The following TBCE variants were observed in gnomAD, a reference collection of about 807,000 sequenced individuals.
TBCE encodes tubulin folding cofactor E, also known as tubulin-specific chaperone E.
Under a neutral mutation model 77.0 loss-of-function variants are expected in TBCE, and 53 were observed. The observed-to-expected ratio is 0.69, with a 90% CI of 0.55 to 0.87. TBCE has a LOEUF of 0.87. Ranked by LOEUF, TBCE falls within the 40% of genes least tolerant of loss-of-function variation. The pLI is 0.00. For synonymous variants in TBCE, 235 were observed against 241.3 expected, an observed-to-expected ratio of 0.97 and a Z score of 0.24; for missense variants, 624 against 622.4, an observed-to-expected ratio of 1.00 and a Z score of -0.03.
At chr1:235,381,807 T>C (rs1677672847) in intron 2 of TBCE, among the ~76,000 whole-genome samples, 1 of 151,580 alleles carries the variant, frequency 6.6e-6, no homozygotes, top group African/African-American at 2.4e-5. Context: ...ATTTTTTAAT[T>C]GTATTTTTAT....
intron 14 of TBCE, 33 bp from the exon 15 acceptor site, chr1:235,442,819 A>C (rs367666825): frequency 2.8e-4 from 441 of 1,596,626 alleles, no homozygotes; most frequent in Non-Finnish European, 3.4e-4. Context: ...AATAGTAGAT[A>C]TCAATTAGTC....
intron 15 of TBCE, among the ~76,000 whole-genome samples, chr1:235,445,806 T>C (rs771943156): frequency 3.3e-5 from 5 of 152,186 alleles, no homozygotes; most frequent in Non-Finnish European, 7.3e-5. Flanking sequence ...AAGCATTGTA[T>C]CTTGCAGCAT....
intron 5 of TBCE, among the ~76,000 whole-genome samples, chr1:235,420,706 C>T (rs1006774870): frequency 2.6e-5 from 4 of 152,170 alleles, no homozygotes; most frequent in African/African-American, 9.7e-5. Flanking sequence ...TGGTCTTGAT[C>T]TCTTGACCTG....
chr1:235,405,537 G>A (rs935222733), intron 3 of TBCE, among the ~76,000 whole-genome samples: 1 of 151,802 alleles, frequency 6.6e-6, no homozygotes, highest in African/African-American at 2.4e-5. Context: ...TGGGAAGGTT[G>A]AGGCATGAGA....
At chr1:235,405,644 AAG>A (rs887978053) in intron 3 of TBCE, among the ~76,000 whole-genome samples, 6 of 152,148 alleles carry the variant, frequency 3.9e-5, no homozygotes, top group African/African-American at 1.2e-4. Context: ...TCAAAAAAAA[AAG>A]AAAAAATAGA....
At chr1:235,410,322 AT>A (rs1396025049) in intron 3 of TBCE, among the ~76,000 whole-genome samples, 1 of 152,088 alleles carries the variant, frequency 6.6e-6, no homozygotes, top group Non-Finnish European at 1.5e-5. Flanking sequence ...CTGGGTGCCC[AT>A]TTTTATGGTT....
Position 235,429,722 on chromosome 1 carries a change from A to ATT in TBCE, c.561-971_561-970dup, listed in dbSNP as rs35728731. The stretch of plus-strand genomic sequence containing the variant: ...CCAAGGGCTTAGCCAGGCTTCCTCC[A>ATT]TTTTTTTTTTTTTGAGGCAGAGTCT... On this transcript the variant is annotated intron_variant, in intron 6 of 16. Transcript: ENST00000642610. 837 of 145,328 alleles carry ATT rather than the reference A, an allele frequency of 5.8e-3. 4 individuals carry two copies. Among genetic ancestry groups the ATT allele is most frequent in the South Asian group, 0.013 (58 of 4,544 alleles). The allele number at this position is 145,328 out of a possible 1,614,324, so 9.0% of individuals were successfully genotyped here.
rs376192830 is a variant in TBCE at position 235,411,883 on chromosome 1, A to G, written c.186-2550A>G. ...CCCTGTGCCCCTTCAGGACAAGGGTAGGCTGTGCTCACTTGCCTCCCAGTC... is the reference window on the plus strand; with the variant it reads ...CCCTGTGCCCCTTCAGGACAAGGGTGGGCTGTGCTCACTTGCCTCCCAGTC... On this transcript the variant is annotated intron_variant, in intron 3 of 16. Coordinates refer to ENST00000642610, the MANE Select transcript of TBCE (RefSeq NM_003193.5). Among the ~76,000 whole-genome samples the G allele has an allele frequency of 1.8e-4, 27 of 151,974 alleles. 1 individual carries two copies. Among genetic ancestry groups the G allele is most frequent in the African/African-American group, 6.3e-4 (26 of 41,446 alleles).
chr1:235,450,098 C>A lies in TBCE; in HGVS notation c.*1336C>A. On this transcript the variant is annotated 3_prime_UTR_variant, in exon 17 of 17. Coordinates refer to ENST00000642610, the MANE Select transcript of TBCE (RefSeq NM_003193.5). ...TGGGTGAAAGTGCCAGTCTGGAACT[C>A]TCTTGAAAGACCATACAGTCTACTG... is the stretch of plus-strand genomic sequence containing the variant. 1 of 1,373,732 alleles carries A rather than the reference C, an allele frequency of 7.3e-7. No individual in the cohort carries two copies. The highest frequency in any genetic ancestry group is 1.0e-6 in the Non-Finnish European group (1 of 989,642). The allele number at this position is 1,373,732 out of a possible 1,614,324, so 85.1% of individuals were successfully genotyped here.
At chr1:235,439,332 A>T (rs1681674897) in intron 13 of TBCE, among the ~76,000 whole-genome samples, 1 of 95,868 alleles carries the variant, frequency 1.0e-5, no homozygotes, top group Non-Finnish European at 2.2e-5. Flanking sequence ...CCTACTAAAA[A>T]TACAAAAAAA....
chr1:235,442,650 G>A (rs1681973183), intron 14 of TBCE, among the ~76,000 whole-genome samples: 1 of 152,180 alleles, frequency 6.6e-6, no homozygotes, highest in Admixed American at 6.5e-5. Flanking sequence ...ACTAAGTGGG[G>A]AAAAGGGAAA....
intron 2 of TBCE, among the ~76,000 whole-genome samples, chr1:235,395,710 A>C (rs574800495): frequency 2.1e-4 from 32 of 151,700 alleles, no homozygotes; most frequent in African/African-American, 7.5e-4. Flanking sequence ...ACACCTGGCT[A>C]AATTTTGTAT....
chr1:235,376,755 C>T (rs1677321497), intron 1 of TBCE, among the ~76,000 whole-genome samples: 1 of 152,228 alleles, frequency 6.6e-6, no homozygotes, highest in African/African-American at 2.4e-5. Context: ...GGGAAGATCA[C>T]TTGAGGTCAG....
rs559483374 is a variant in TBCE, at chr1:235,446,351, AT to A, written c.1400-1993del. On this transcript the variant is annotated intron_variant, in intron 15 of 16. Coordinates refer to ENST00000642610, the MANE Select transcript of TBCE (RefSeq NM_003193.5). ...GCCACCATGCCTGGCTAATTTTTGT[AT>A]TTTTAGTAGAGACGGGGTTTCTCCA... is the stretch of plus-strand genomic sequence containing the variant. Among the ~76,000 whole-genome samples the A allele has an allele frequency of 2.9e-3, 435 of 152,044 alleles. 4 individuals are homozygous for A. The highest frequency in any genetic ancestry group is 0.01 in the Middle Eastern group (3 of 294).
intron 3 of TBCE, among the ~76,000 whole-genome samples, chr1:235,414,206 C>T (rs947828781): frequency 2.0e-5 from 3 of 152,122 alleles, no homozygotes; most frequent in Non-Finnish European, 2.9e-5. Context: ...TTGTCAGTTT[C>T]ATATTACTTG....
intron 15 of TBCE, among the ~76,000 whole-genome samples, chr1:235,446,761 G>T: frequency 6.6e-6 from 1 of 150,694 alleles, no homozygotes; most frequent in Non-Finnish European, 1.5e-5. Flanking sequence ...ACAGTGGCGC[G>T]ATCATGGCTC....
At position 235,438,783 on chromosome 1, in the gene TBCE, G is replaced by C. The variant is rs1191804308; in HGVS notation, c.1131G>C (p.Glu377Asp). ...TLNKCEILPE[E>D]RRRAELDYRK... is the part of the protein sequence containing the mutation. ...CATGAACATAGATTCTCCCCGAGGA[G>C]AGGCGGAGAGCTGAGCTTGACTACC... The change falls in exon 13 of 17, where the codon GAG (glutamate) becomes GAC (aspartate). Residue 377 changes from glutamate to aspartate, a missense_variant. Coordinates refer to ENST00000642610, the MANE Select transcript of TBCE (RefSeq NM_003193.5). 1.2e-6 allele frequency: 2 copies of C among 1,614,062 alleles called. No individual in the cohort carries two copies. Among genetic ancestry groups the C allele is most frequent in the African/African-American group, 2.7e-5 (2 of 74,912 alleles).
chr1:235,390,472 C>T (rs990135922), intron 2 of TBCE, among the ~76,000 whole-genome samples: 1 of 152,142 alleles, frequency 6.6e-6, no homozygotes, highest in Non-Finnish European at 1.5e-5. Context: ...AGAAGCTAGG[C>T]TAGACGCAGT....
chr1:235,429,697 C>T (rs889744759), intron 6 of TBCE: 4 of 149,910 alleles, frequency 2.7e-5, no homozygotes, highest in Non-Finnish European at 5.9e-5. Context: ...ACCTAACTTT[C>T]CAAGGGCTTA....
Sources: gnomAD v4.1 joint callset for allele counts (sites outside exome capture counted in the v4.1 genomes callset) on GRCh38, gnomAD v4.1.1 for gene constraint, MANE v1.5 for transcripts, NCBI Gene and HGNC (gene_info 2026-07-23, HGNC 2026-07-21) for gene names.